NUMB: variants seen among roughly 807,000 people sequenced by gnomAD.
NUMB encodes NUMB endocytic adaptor protein.
NUMB carries 29 observed loss-of-function variants against 59.7 expected under a neutral mutation model. That is an observed-to-expected ratio of 0.49 (90% CI 0.36 to 0.66). The LOEUF is 0.66. Ranked by LOEUF, NUMB falls within the 30% of genes least tolerant of loss-of-function variation. NUMB has a pLI of 0.00. For synonymous variants in NUMB, 288 were observed against 288.2 expected (o/e 1.00, Z 0.01); for missense variants, 723 against 822.0 (o/e 0.88, Z 1.47).
In NUMB at chr14:73,310,173, G is replaced by A. The variant is rs753186785; in HGVS notation, c.234+6217C>T. Reference sequence around the variant, plus strand: ...ACTCAAATGCCTACAAGAATTAAAGGCACATAACAAATGAGTGAAGCAGGG... The same window carrying A: ...ACTCAAATGCCTACAAGAATTAAAGACACATAACAAATGAGTGAAGCAGGG... On this transcript the variant is annotated intron_variant, in intron 6 of 12. Coordinates refer to ENST00000555238, the MANE Select transcript of NUMB (RefSeq NM_001005743.2). Among the ~76,000 whole-genome samples the A allele has an allele frequency of 1.0e-3, 155 of 152,074 alleles. 1 individual carries two copies. Among genetic ancestry groups the A allele is most frequent in the Non-Finnish European group, 1.1e-3 (78 of 68,008 alleles).
At chr14:73,388,836 G>C (rs1424191558) in intron 2 of NUMB, among the ~76,000 whole-genome samples, 1 of 152,070 alleles carries the variant, frequency 6.6e-6, no homozygotes, top group Non-Finnish European at 1.5e-5. Flanking sequence ...AGTGGCTCAC[G>C]CCTGTAATCC....
rs576999091 is a variant in NUMB, at chr14:73,317,025, A to G, written c.202-603T>C. 1.9e-4 allele frequency among the ~76,000 whole-genome samples: 29 copies of G among 152,296 alleles called. 1 individual carries two copies. In the South Asian group the frequency reaches 6.0e-3, roughly 32 times the overall value. On this transcript the variant is annotated intron_variant, in intron 5 of 12. Transcript: ENST00000555238. ...TAGAAACTCCATACCACTTAAGGGG[A>G]GCTTGACCATTGGCTTTCCATTTAC...
chr14:73,407,171 A>AT (rs2140127934), intron 2 of NUMB, among the ~76,000 whole-genome samples: 1 of 152,058 alleles, frequency 6.6e-6, no homozygotes, highest in South Asian at 2.1e-4. Context: ...CAAAAAAAAA[A>AT]CAAAAAAAAC....
At position 73,277,018 on chromosome 14, in the gene NUMB, C is replaced by T. The variant is rs1250844705; in HGVS notation, c.1516G>A (p.Val506Ile). 2.5e-6 allele frequency: 4 copies of T among 1,614,062 alleles called. No individual in the cohort carries two copies. Among genetic ancestry groups the T allele is most frequent in the Middle Eastern group, 1.6e-4 (1 of 6,062 alleles). The change falls in exon 13 of 13, where the codon GTC (valine) becomes ATC (isoleucine). Residue 506 changes from valine to isoleucine, a missense_variant. This residue lies in a region of NUMB where 406 missense variants were observed against 385.4 expected (regional missense o/e 1.05). Transcript: ENST00000555238. Reference sequence around the variant, plus strand: ...GCCACAGGATAGGACTGGGCAGGGACAAAGGCTGGTTGCAGGGCTGGGACC... The same window carrying T: ...GCCACAGGATAGGACTGGGCAGGGATAAAGGCTGGTTGCAGGGCTGGGACC... ...GVVPALQPAF[V>I]PAQSYPVANG...
intron 4 of NUMB, among the ~76,000 whole-genome samples, chr14:73,349,654 T>C (rs1030537621): frequency 6.2e-5 from 9 of 146,078 alleles, no homozygotes. Context: ...CCGAGACGGG[T>C]GGATCACGAG....
chr14:73,306,114 T>C (rs1329898802), intron 6 of NUMB, among the ~76,000 whole-genome samples: 5 of 152,204 alleles, frequency 3.3e-5, no homozygotes, highest in Non-Finnish European at 7.3e-5. Context: ...GGATTTGAGA[T>C]TGTACTGTGC....
chr14:73,360,653 C>A (rs924142376), intron 3 of NUMB, among the ~76,000 whole-genome samples: 3 of 152,120 alleles, frequency 2.0e-5, no homozygotes, highest in Non-Finnish European at 1.5e-5. Context: ...CAGTTAACTG[C>A]AAGCTCATTC....
At chr14:73,402,343 T>TA (rs1267895734) in intron 2 of NUMB, among the ~76,000 whole-genome samples, 1 of 152,102 alleles carries the variant, frequency 6.6e-6, no homozygotes, top group East Asian at 1.9e-4. Flanking sequence ...TCCTAAAACA[T>TA]AAAAATAATA....
At chr14:73,396,179 C>G (rs1385884554) in intron 2 of NUMB, among the ~76,000 whole-genome samples, 1 of 152,130 alleles carries the variant, frequency 6.6e-6, no homozygotes, top group East Asian at 1.9e-4. Flanking sequence ...AACTCCTGGG[C>G]TCAAGTGATC....
intron 6 of NUMB, among the ~76,000 whole-genome samples, chr14:73,312,623 A>G (rs1452424199): frequency 6.6e-6 from 1 of 151,014 alleles, no homozygotes; most frequent in East Asian, 2.0e-4. Context: ...CTGTGTTGGG[A>G]GGATCCCCTG....
At chr14:73,337,883 A>G (rs1481043423) in intron 4 of NUMB, among the ~76,000 whole-genome samples, 1 of 152,228 alleles carries the variant, frequency 6.6e-6, no homozygotes, top group Non-Finnish European at 1.5e-5. Context: ...CAACAGCATC[A>G]AAACTGAATG....
rs757155790 is a variant in NUMB, at chr14:73,277,167, G to C, written c.1367C>G (p.Pro456Arg). 1 of 1,613,906 alleles carries C rather than the reference G, an allele frequency of 6.2e-7. No individual in the cohort carries two copies. Among genetic ancestry groups the C allele is most frequent in the African/African-American group, 1.3e-5 (1 of 74,906 alleles). Residue 456 changes from proline (P) to arginine (R), a missense_variant, in exon 13 of 13, where the codon CCC becomes CGC. Coordinates refer to ENST00000555238, the MANE Select transcript of NUMB (RefSeq NM_001005743.2). ...CTGCAGAGGAGCAGCTGAGGCCTGG[G>C]GCTGCTGAGCCCGGACGCTCTTAGA... Reference protein sequence around the residue: ...EVSKSVRAQQPQASAAPLQPV... With the variant: ...EVSKSVRAQQRQASAAPLQPV...
chr14:73,418,448 C>T (rs1037636722), intron 1 of NUMB, among the ~76,000 whole-genome samples: 5 of 152,096 alleles, frequency 3.3e-5, no homozygotes, highest in Non-Finnish European at 7.4e-5. Flanking sequence ...ATACTGAATG[C>T]CACTGAACTG....
intron 4 of NUMB, among the ~76,000 whole-genome samples, chr14:73,324,953 A>G (rs1181715807): frequency 6.6e-6 from 1 of 152,062 alleles, no homozygotes; most frequent in East Asian, 1.9e-4. Context: ...TCTACTACCC[A>G]CTTTGACCCA....
intron 5 of NUMB, among the ~76,000 whole-genome samples, chr14:73,321,187 T>C (rs1212365431): frequency 6.6e-6 from 1 of 152,206 alleles, no homozygotes; most frequent in Non-Finnish European, 1.5e-5. Flanking sequence ...AGAGTGCACA[T>C]GAAGTCATAC....
chr14:73,355,898 A>G (rs1893756916), intron 3 of NUMB, 132 bp from the exon 4 acceptor site: 1 of 634,874 alleles, frequency 1.6e-6, no homozygotes, highest in Non-Finnish European at 2.7e-6. Context: ...GCAATATATA[A>G]TTATCATGTA....
intron 1 of NUMB, among the ~76,000 whole-genome samples, chr14:73,453,610 C>CTT (rs542857391): frequency 2.9e-5 from 4 of 137,328 alleles, no homozygotes; most frequent in East Asian, 2.1e-4. Context: ...ACAAATTTTC[C>CTT]TTTTTTTTTT....
In NUMB at chr14:73,431,744, GT is replaced by G. The variant is rs200471028; in HGVS notation, c.-232-21677del. On this transcript the variant is annotated intron_variant, in intron 1 of 12. Transcript: ENST00000555238. ...AGCCTGAGCAACAGAGCAAGACTCC[GT>G]CTCAAAAAAAGAAAAGAAAGAAAAT... Among the ~76,000 whole-genome samples the G allele has an allele frequency of 6.8e-3, 1,040 of 151,852 alleles. 6 individuals carry two copies. Among genetic ancestry groups the G allele is most frequent in the South Asian group, 0.03 (143 of 4,812 alleles).
chr14:73,340,532 C>A (rs1053818195), intron 4 of NUMB, among the ~76,000 whole-genome samples: 1 of 152,150 alleles, frequency 6.6e-6, no homozygotes, highest in African/African-American at 2.4e-5. Context: ...AGGATGTAAG[C>A]GTAGTGCAAG....
Sources: allele counts gnomAD v4.1 joint callset (sites outside exome capture counted in the v4.1 genomes callset), GRCh38; gene constraint gnomAD v4.1.1; regional missense constraint gnomAD v4.1.1; transcripts MANE v1.5; gene names NCBI Gene and HGNC (gene_info 2026-07-23, HGNC 2026-07-21).